The following GFRAL variants were observed in gnomAD, a reference collection of about 807,000 sequenced individuals.
GFRAL encodes the protein GDNF family receptor alpha-like.
In GFRAL, 36 loss-of-function variants were observed where a neutral mutation model predicts 45.4. The ratio of observed to expected loss-of-function variants is 0.79; its 90% CI spans 0.61 to 1.05. GFRAL has a LOEUF of 1.05. Ranked by LOEUF, GFRAL falls within the 50% of genes least tolerant of loss-of-function variation. The probability of loss-of-function intolerance (pLI) is 0.00; values close to 1 mark genes in which losing one functional copy is unlikely to be tolerated. For synonymous variants in GFRAL, 166 were observed against 154.1 expected (o/e 1.08, Z -0.57); for missense variants, 507 against 467.5 (o/e 1.08, Z -0.78).
At chr6:55,367,955 G>A (rs1023988824) in intron 6 of GFRAL, among the ~76,000 whole-genome samples, 45 of 146,312 alleles carry the variant, frequency 3.1e-4, no homozygotes, top group East Asian at 2.6e-3. Flanking sequence ...TCTTTGTGGC[G>A]TTCTCTGTAT....
At chr6:55,398,334 C>T (rs566126839) in intron 6 of GFRAL, among the ~76,000 whole-genome samples, 1 of 152,118 alleles carries the variant, frequency 6.6e-6, no homozygotes, top group Non-Finnish European at 1.5e-5. Context: ...AAAATGGGAG[C>T]TTTATCTCAT....
intron 6 of GFRAL, among the ~76,000 whole-genome samples, chr6:55,371,049 A>G (rs1768443953): frequency 6.6e-6 from 1 of 152,206 alleles, no homozygotes; most frequent in South Asian, 2.1e-4. Flanking sequence ...CTATTTTCTA[A>G]AAAGTGATAT....
At chr6:55,374,411 G>C (rs1380467003) in intron 6 of GFRAL, among the ~76,000 whole-genome samples, 1 of 151,964 alleles carries the variant, frequency 6.6e-6, no homozygotes, top group Admixed American at 6.6e-5. Flanking sequence ...ATGTTTGTTG[G>C]CCACATGAAT....
In GFRAL at chr6:55,352,378, A is replaced by G. The variant is rs187803574; in HGVS notation, c.701+795A>G. 9.5e-4 allele frequency among the ~76,000 whole-genome samples: 145 copies of G among 152,252 alleles called. 1 individual carries two copies. The highest frequency in any genetic ancestry group is 6.8e-3 in the East Asian group (35 of 5,172). ...TGAAAAAGTCCAGGAAGAGTGACAA[A>G]AACAAAGATTCTTCTGGTCTTATCT... On this transcript the variant is annotated intron_variant, in intron 5 of 8. Transcript: ENST00000340465.
chr6:55,378,742 C>T (rs1418779338), intron 6 of GFRAL, among the ~76,000 whole-genome samples: 5 of 151,890 alleles, frequency 3.3e-5, no homozygotes, highest in Non-Finnish European at 7.4e-5. Context: ...GACCATGAGT[C>T]TTACTTCTAG....
intron 3 of GFRAL, among the ~76,000 whole-genome samples, chr6:55,344,797 A>G (rs377027049): frequency 0.013 from 1,973 of 152,226 alleles, 21 homozygotes; most frequent in Non-Finnish European, 0.022. Flanking sequence ...AAATCCCATC[A>G]TCTCAGCCCA....
At chr6:55,328,802 A>T (rs1462718383) in intron 1 of GFRAL, among the ~76,000 whole-genome samples, 1 of 152,038 alleles carries the variant, frequency 6.6e-6, no homozygotes, top group Non-Finnish European at 1.5e-5. Flanking sequence ...GGAGGGAAAT[A>T]ACTTCTTAAC....
At chr6:55,391,119 T>A (rs1297602012) in intron 6 of GFRAL, among the ~76,000 whole-genome samples, 1 of 151,466 alleles carries the variant, frequency 6.6e-6, no homozygotes, top group African/African-American at 2.4e-5. Context: ...TCATTTAAGA[T>A]TGTAGTCAAG....
intron 6 of GFRAL, among the ~76,000 whole-genome samples, chr6:55,372,404 A>G (rs1768462979): frequency 6.6e-6 from 1 of 152,084 alleles, no homozygotes; most frequent in South Asian, 2.1e-4. Context: ...ATTCTTTAGG[A>G]TTTTGAGATT....
chr6:55,356,520 T>C (rs1009888821), intron 5 of GFRAL, among the ~76,000 whole-genome samples: 1 of 151,984 alleles, frequency 6.6e-6, no homozygotes, highest in African/African-American at 2.4e-5. Flanking sequence ...TAGGCTTCAA[T>C]GATCCTTCGA....
chr6:55,378,238 A>G (rs1389709511), intron 6 of GFRAL, among the ~76,000 whole-genome samples: 3 of 152,090 alleles, frequency 2.0e-5, no homozygotes, highest in African/African-American at 7.2e-5. Flanking sequence ...ATAAAAAAAG[A>G]TTAGGCATTC....
chr6:55,335,419 A>T (rs898665613), intron 3 of GFRAL, among the ~76,000 whole-genome samples: 3 of 152,074 alleles, frequency 2.0e-5, no homozygotes, highest in African/African-American at 7.2e-5. Flanking sequence ...ATCATTTAAG[A>T]GTGTCTTAAA....
At chr6:55,379,574 TACACACAC>T (rs66953657) in intron 6 of GFRAL, among the ~76,000 whole-genome samples, 1 of 117,952 alleles carries the variant, frequency 8.5e-6, no homozygotes, top group African/African-American at 2.9e-5. Flanking sequence ...TGTTTTGAAA[TACACACAC>T]ACACACACAC....
chr6:55,329,873 C>G lies in GFRAL; in HGVS notation c.23-1842C>G, dbSNP rs372786141. Among the ~76,000 whole-genome samples, 42 of 152,132 alleles carry G rather than the reference C, an allele frequency of 2.8e-4. 1 individual carries two copies. In the South Asian group the frequency reaches 4.3e-3, roughly 16 times the overall value. On this transcript the variant is annotated intron_variant, in intron 1 of 8. Transcript: ENST00000340465. ...TTAAAAAAAAAAGAGAGATTTCAAG[C>G]CCTTACTTGAAGCCTATCACTCTAC...
chr6:55,344,679 A>T (rs1310714257), intron 3 of GFRAL, among the ~76,000 whole-genome samples: 1 of 152,240 alleles, frequency 6.6e-6, no homozygotes, highest in Non-Finnish European at 1.5e-5. Context: ...TAGTGTTGGA[A>T]GTTCTGGCCA....
chr6:55,376,913 AT>A (rs1368917612), intron 6 of GFRAL, among the ~76,000 whole-genome samples: 1 of 151,684 alleles, frequency 6.6e-6, no homozygotes, highest in Non-Finnish European at 1.5e-5. Flanking sequence ...TTTCAATCTT[AT>A]CTTTTACTAT....
chr6:55,362,725 T>C (rs1047022480), intron 6 of GFRAL, among the ~76,000 whole-genome samples: 5 of 152,022 alleles, frequency 3.3e-5, no homozygotes, highest in African/African-American at 1.2e-4. Context: ...GAAATGTTCT[T>C]TTTGCATTTC....
At position 55,367,403 on chromosome 6, in the gene GFRAL, A is replaced by G. The variant is rs534608318; in HGVS notation, c.952+8265A>G. Among the ~76,000 whole-genome samples, 10 of 144,786 alleles carry G rather than the reference A, an allele frequency of 6.9e-5. 1 individual carries two copies. The highest frequency in any genetic ancestry group is 3.9e-4 in the East Asian group (2 of 5,152). 95.0% of individuals were successfully genotyped at this position (144,786 alleles called of 152,430 possible). On this transcript the variant is annotated intron_variant, in intron 6 of 8. Transcript: ENST00000340465. ...GTCTTGACTCTTGATCCAATTTGCCAGTCTGTGTTTTTTAATTGGAGCATT... is the reference window on the plus strand; with the variant it reads ...GTCTTGACTCTTGATCCAATTTGCCGGTCTGTGTTTTTTAATTGGAGCATT...
intron 6 of GFRAL, among the ~76,000 whole-genome samples, chr6:55,363,845 C>T (rs914869125): frequency 4.0e-5 from 6 of 151,486 alleles, no homozygotes; most frequent in Admixed American, 1.3e-4. Context: ...CATTGTTGGA[C>T]ATTTGGGTTG....
Sources: gnomAD v4.1 joint callset for allele counts (sites outside exome capture counted in the v4.1 genomes callset) on GRCh38, gnomAD v4.1.1 for gene constraint, MANE v1.5 for transcripts, NCBI Gene and HGNC (gene_info 2026-07-23, HGNC 2026-07-21) for gene names.